Variants in KANSL3 observed in about 807,000 individuals in gnomAD.
KANSL3 encodes KAT8 regulatory NSL complex subunit 3, also known as NSL complex protein NSL3.
KANSL3 carries 16 observed loss-of-function variants against 89.2 expected under a neutral mutation model. The observed-to-expected ratio is 0.18, with a 90% CI of 0.12 to 0.27. The LOEUF (loss-of-function observed/expected upper bound fraction) is 0.27, where lower values mean the gene tolerates loss of function less well. Ranked by LOEUF, KANSL3 falls within the 10% of genes least tolerant of loss-of-function variation. The pLI is 1.00. For synonymous variants in KANSL3, 385 were observed against 419.7 expected, an observed-to-expected ratio of 0.92 and a Z score of 1.01; for missense variants, 879 against 1,110.6, an observed-to-expected ratio of 0.79 and a Z score of 2.96.
chr2:96,635,955 C>T (rs2074178594), intron 2 of KANSL3, among the ~76,000 whole-genome samples: 1 of 151,478 alleles, frequency 6.6e-6, no homozygotes, highest in Non-Finnish European at 1.5e-5. Context: ...GATCACACCA[C>T]TGCACTCCAG....
intron 17 of KANSL3, 105 bp from the exon 18 acceptor site, chr2:96,602,967 C>T (rs1214012718): frequency 1.3e-5 from 14 of 1,048,270 alleles, no homozygotes; most frequent in Non-Finnish European, 2.0e-5. Flanking sequence ...ACCAGTGGTG[C>T]TTGCCCTTGG....
intron 1 of KANSL3, 42 bp from the exon 2 acceptor site, chr2:96,637,227 AAATTT>A: frequency 1.3e-6 from 1 of 744,760 alleles, no homozygotes; most frequent in Non-Finnish European, 2.2e-6. Context: ...CCAATATCCT[AAATTT>A]CTCCCAATCT....
intron 14 of KANSL3, 83 bp from the exon 15 acceptor site, chr2:96,605,594 C>CT: frequency 8.8e-7 from 1 of 1,136,722 alleles, no homozygotes. Context: ...CCAACACAGC[C>CT]ATGTGTAGAA....
At chr2:96,637,736 T>C (rs2074450104) in intron 1 of KANSL3, among the ~76,000 whole-genome samples, 1 of 152,206 alleles carries the variant, frequency 6.6e-6, no homozygotes, top group South Asian at 2.1e-4. Context: ...AAAAGTTCTG[T>C]TAAGTACTTC....
chr2:96,621,257 T>C (rs570833146), intron 3 of KANSL3, among the ~76,000 whole-genome samples: 1 of 152,338 alleles, frequency 6.6e-6, no homozygotes, highest in South Asian at 2.1e-4. Flanking sequence ...GCCAGGAGTC[T>C]GTAATCCCAG....
chr2:96,630,162 A>G (rs1467872923), intron 3 of KANSL3, among the ~76,000 whole-genome samples: 1 of 152,170 alleles, frequency 6.6e-6, no homozygotes, highest in East Asian at 1.9e-4. Context: ...CAACAAGTCC[A>G]CTCCCAGGTA....
chr2:96,583,692 C>T, the KANSL3 span, among the ~76,000 whole-genome samples: 4 of 152,202 alleles, frequency 2.6e-5, no homozygotes, highest in Admixed American at 6.5e-5. Context: ...CAGTTTTGGG[C>T]TATTATGAAT....
chr2:96,625,965 C>T (rs1374374376), intron 3 of KANSL3, among the ~76,000 whole-genome samples: 1 of 152,160 alleles, frequency 6.6e-6, no homozygotes, highest in Non-Finnish European at 1.5e-5. Context: ...CTCCCCACCC[C>T]GTGCCCCACC....
At chr2:96,627,158 C>T (rs1269361513) in intron 3 of KANSL3, among the ~76,000 whole-genome samples, 1 of 151,434 alleles carries the variant, frequency 6.6e-6, no homozygotes, top group African/African-American at 2.4e-5. Context: ...AACCATTTCA[C>T]AAAATATCAG....
chr2:96,610,967 T>C lies in KANSL3; in HGVS notation c.1162-84A>G, dbSNP rs946365120. 2.5e-6 allele frequency: 4 copies of C among 1,581,556 alleles called. No individual in the cohort carries two copies. In the African/African-American group the frequency reaches 4.0e-5, roughly 16 times the overall value. On this transcript the variant is annotated intron_variant, in intron 10 of 20. Transcript: ENST00000431828. ...AAACTCCACTAAGGAGGATCAGCCA[T>C]GCAACTGCAGTCAGCCTCAGCATCA...
chr2:96,611,006 A>G (rs1002956730), intron 10 of KANSL3, 58 bp downstream of exon 10: 1 of 1,586,064 alleles, frequency 6.3e-7, no homozygotes, highest in Non-Finnish European at 8.7e-7. Context: ...TGGACAAGGC[A>G]TGCACACTCG....
chr2:96,637,212 C>T (rs2074364353), intron 1 of KANSL3, 27 bp from the exon 2 acceptor site: 3 of 867,922 alleles, frequency 3.5e-6, no homozygotes, highest in Non-Finnish European at 5.4e-6. Context: ...CAGTTTAGGT[C>T]AATTCCAATA....
At chr2:96,619,585 CT>C in intron 4 of KANSL3, 41 bp from the exon 5 acceptor site, 1 of 1,610,414 alleles carries the variant, frequency 6.2e-7, no homozygotes, top group Non-Finnish European at 8.5e-7. Context: ...TGAGGACTAC[CT>C]GGTTAACAAG....
In KANSL3 at chr2:96,611,145, A is replaced by G; in HGVS notation, c.1087-7T>C. Reference sequence around the variant, plus strand: ...CATACTCCATTACTGACACCTGTAAATAACAGAACAGTTTGTCTAAACGTC... The same window carrying G: ...CATACTCCATTACTGACACCTGTAAGTAACAGAACAGTTTGTCTAAACGTC... On this transcript the variant is annotated splice_region_variant and splice_polypyrimidine_tract_variant and intron_variant, in intron 9 of 20. Transcript: ENST00000431828. 2 of 1,613,104 alleles carry G rather than the reference A, an allele frequency of 1.2e-6. No homozygotes were observed. Among genetic ancestry groups the G allele is most frequent in the South Asian group, 1.1e-5 (1 of 91,066 alleles).
chr2:96,612,078 T>C (rs2069105093), intron 9 of KANSL3, among the ~76,000 whole-genome samples: 1 of 152,144 alleles, frequency 6.6e-6, no homozygotes, highest in Non-Finnish European at 1.5e-5. Context: ...TTTATTATAC[T>C]ACACCTGCTT....
the KANSL3 span, among the ~76,000 whole-genome samples, chr2:96,586,729 C>G: frequency 6.6e-6 from 1 of 152,222 alleles, no homozygotes; most frequent in African/African-American, 2.4e-5. Flanking sequence ...TGGCCTTAAG[C>G]AATCTTCCCG....
At chr2:96,604,700 T>C in intron 16 of KANSL3, 79 bp downstream of exon 16, 1 of 1,277,912 alleles carries the variant, frequency 7.8e-7, no homozygotes, top group Non-Finnish European at 1.1e-6. Context: ...GAATCCATCA[T>C]TTTCCAAAGC....
At chr2:96,625,887 A>C (rs1259821251) in intron 3 of KANSL3, among the ~76,000 whole-genome samples, 1 of 152,218 alleles carries the variant, frequency 6.6e-6, no homozygotes, top group Admixed American at 6.5e-5. Context: ...TAAAAACAGG[A>C]GACAGAATTT....
At chr2:96,584,209 T>C in the KANSL3 span, among the ~76,000 whole-genome samples, 2 of 152,192 alleles carry the variant, frequency 1.3e-5, no homozygotes. Flanking sequence ...TGGAGTGCAG[T>C]GGTGACTCAT....
Sources: allele counts gnomAD v4.1 joint callset (sites outside exome capture counted in the v4.1 genomes callset), GRCh38; gene constraint gnomAD v4.1.1; transcripts MANE v1.5; gene names NCBI Gene and HGNC (gene_info 2026-07-23, HGNC 2026-07-21).